The following PDE1A variants were observed in gnomAD, a reference collection of about 807,000 sequenced individuals.
PDE1A encodes the protein dual specificity calcium/calmodulin-dependent 3',5'-cyclic nucleotide phosphodiesterase 1A.
PDE1A carries 35 observed loss-of-function variants against 61.7 expected under a neutral mutation model. The ratio of observed to expected loss-of-function variants is 0.57; its 90% CI spans 0.43 to 0.75. PDE1A has a LOEUF of 0.75. PDE1A is among the 30% of genes least tolerant of loss of function. PDE1A has a pLI of 0.00. For synonymous variants in PDE1A, 232 were observed against 213.2 expected, an observed-to-expected ratio of 1.09 and a Z score of -0.77; for missense variants, 597 against 630.6, an observed-to-expected ratio of 0.95 and a Z score of 0.57.
the PDE1A span, among the ~76,000 whole-genome samples, chr2:182,697,950 A>C: frequency 1.3e-5 from 2 of 152,226 alleles, no homozygotes; most frequent in Non-Finnish European, 2.9e-5. Flanking sequence ...TTGAAATAAC[A>C]ATCACTGCAC....
chr2:182,249,611 T>C (rs1440651297), intron 2 of PDE1A, among the ~76,000 whole-genome samples: 4 of 152,120 alleles, frequency 2.6e-5, no homozygotes, highest in African/African-American at 7.2e-5. Flanking sequence ...CTTTCCATAG[T>C]AGGAATACTC....
At chr2:182,256,458 T>C (rs1441644213) in intron 2 of PDE1A, among the ~76,000 whole-genome samples, 1 of 152,164 alleles carries the variant, frequency 6.6e-6, no homozygotes, top group African/African-American at 2.4e-5. Context: ...GTGTGGCGAT[T>C]CCTCAGGGAT....
chr2:182,658,032 T>TAA, the PDE1A span, among the ~76,000 whole-genome samples: 1 of 66,702 alleles, frequency 1.5e-5, no homozygotes, highest in Non-Finnish European at 2.8e-5. Flanking sequence ...ACCTAGCACA[T>TAA]AAACAGCTTC....
chr2:182,168,386 A>T (rs745372643), intron 13 of PDE1A: 1 of 1,092,050 alleles, frequency 9.2e-7, no homozygotes, highest in Non-Finnish European at 1.3e-6. Flanking sequence ...ATCAGCCATG[A>T]TTGTAAAAAA....
At chr2:182,319,423 C>T (rs1240876673) in intron 1 of PDE1A, among the ~76,000 whole-genome samples, 2 of 152,114 alleles carry the variant, frequency 1.3e-5, no homozygotes, top group East Asian at 1.9e-4. Context: ...CTAAACAATG[C>T]TCATTGTGGT....
At chr2:182,288,485 T>C (rs1694312999) in intron 1 of PDE1A, among the ~76,000 whole-genome samples, 1 of 152,144 alleles carries the variant, frequency 6.6e-6, no homozygotes, top group Admixed American at 6.6e-5. Context: ...CAGTCTGTAA[T>C]AATCATCCAG....
At chr2:182,303,235 A>T (rs2125922330) in intron 1 of PDE1A, among the ~76,000 whole-genome samples, 1 of 152,308 alleles carries the variant, frequency 6.6e-6, no homozygotes, top group South Asian at 2.1e-4. Flanking sequence ...TGGCAGCTAT[A>T]GCCTTACGAG....
At chr2:182,211,586 T>TATC (rs1687605666) in intron 7 of PDE1A, among the ~76,000 whole-genome samples, 1 of 152,244 alleles carries the variant, frequency 6.6e-6, no homozygotes, top group Admixed American at 6.5e-5. Context: ...GATTGGATTA[T>TATC]ATCTATAGAT....
intron 7 of PDE1A, among the ~76,000 whole-genome samples, chr2:182,212,725 G>T (rs1225706608): frequency 1.3e-5 from 2 of 152,106 alleles, no homozygotes; most frequent in African/African-American, 4.8e-5. Flanking sequence ...AAAAAATGGC[G>T]CACCACGAGA....
At chr2:182,365,050 T>C (rs1312352269) in intron 1 of PDE1A, among the ~76,000 whole-genome samples, 1 of 152,054 alleles carries the variant, frequency 6.6e-6, no homozygotes, top group East Asian at 1.9e-4. Context: ...GGCAATGCCT[T>C]CCATTACAGG....
chr2:182,708,687 T>C, the PDE1A span, among the ~76,000 whole-genome samples: 6 of 152,046 alleles, frequency 3.9e-5, no homozygotes, highest in African/African-American at 7.2e-5. Flanking sequence ...CCTCAACACA[T>C]GGGGACTACA....
intron 2 of PDE1A, among the ~76,000 whole-genome samples, chr2:182,514,248 T>C (rs1375053624): frequency 2.6e-5 from 4 of 152,240 alleles, no homozygotes; most frequent in Admixed American, 2.6e-4. Flanking sequence ...AAAATATCCA[T>C]ACTGCCCAAA....
chr2:182,256,935 C>T (rs1691864562), intron 2 of PDE1A, among the ~76,000 whole-genome samples: 1 of 152,148 alleles, frequency 6.6e-6, no homozygotes, highest in African/African-American at 2.4e-5. Flanking sequence ...GAAGCCATTC[C>T]ACATTAATTC....
the PDE1A span, among the ~76,000 whole-genome samples, chr2:182,580,757 T>C: frequency 6.6e-6 from 1 of 152,168 alleles, no homozygotes; most frequent in Non-Finnish European, 1.5e-5. Context: ...TTAATAAAGG[T>C]GCACTTCCTT....
At chr2:182,623,289 T>G in the PDE1A span, among the ~76,000 whole-genome samples, 1 of 152,140 alleles carries the variant, frequency 6.6e-6, no homozygotes, top group African/African-American at 2.4e-5. Context: ...AGACATTGCA[T>G]GTAGAGAGAA....
chr2:182,340,416 C>T (rs1044975825), intron 1 of PDE1A, among the ~76,000 whole-genome samples: 4 of 152,086 alleles, frequency 2.6e-5, no homozygotes, highest in Admixed American at 6.5e-5. Context: ...TTTTGGGTTC[C>T]GACACCTCCT....
chr2:182,240,326 A>G (rs1690402518), intron 2 of PDE1A, 34 bp from the exon 3 acceptor site: 1 of 1,355,088 alleles, frequency 7.4e-7, no homozygotes, highest in Admixed American at 2.5e-5. Context: ...ACTTTTTTAT[A>G]AAAAAGTGAA....
intron 2 of PDE1A, among the ~76,000 whole-genome samples, chr2:182,520,073 C>T (rs1288107718): frequency 6.6e-6 from 1 of 151,794 alleles, no homozygotes; most frequent in Non-Finnish European, 1.5e-5. Context: ...ATTCTAGTAC[C>T]AGCAATTTTG....
At chr2:182,573,417 G>A in the PDE1A span, among the ~76,000 whole-genome samples, 8 of 152,174 alleles carry the variant, frequency 5.3e-5, no homozygotes, top group African/African-American at 1.7e-4. Context: ...ACAGAATGTG[G>A]GACATTTCTC....
Sources: allele counts gnomAD v4.1 joint callset (sites outside exome capture counted in the v4.1 genomes callset), GRCh38; gene constraint gnomAD v4.1.1; transcripts MANE v1.5; gene names NCBI Gene and HGNC (gene_info 2026-07-23, HGNC 2026-07-21).